PHF21A: variants seen among roughly 807,000 people sequenced by gnomAD.
PHF21A encodes the protein BHC80a.
In PHF21A, 11 loss-of-function variants were observed where a neutral mutation model predicts 82.5. The ratio of observed to expected loss-of-function variants is 0.13; its 90% CI spans 0.08 to 0.22. The LOEUF is 0.22. Among genes scored for constraint, PHF21A ranks in the 10% least tolerant of loss-of-function variants. The pLI is 1.00. For synonymous variants in PHF21A, 297 were observed against 302.8 expected (o/e 0.98, Z 0.20); for missense variants, 579 against 837.8 (o/e 0.69, Z 3.81).
chr11:45,999,857 A>G (rs190150494), intron 6 of PHF21A, among the ~76,000 whole-genome samples: 100 of 152,224 alleles, frequency 6.6e-4, no homozygotes, highest in African/African-American at 2.4e-3. Context: ...ATATAGAAAC[A>G]TCGTAACTTT....
intron 6 of PHF21A, among the ~76,000 whole-genome samples, chr11:45,987,251 A>AATGTATGTATGTATTT (rs1555052205): frequency 6.7e-6 from 1 of 148,446 alleles, no homozygotes; most frequent in East Asian, 2.0e-4. Flanking sequence ...ATCATAAATA[A>AATGTATGTATGTATTT]ATGTATGTAT....
intron 5 of PHF21A, among the ~76,000 whole-genome samples, chr11:46,078,048 C>T (rs2096748006): frequency 6.6e-6 from 1 of 151,964 alleles, no homozygotes; most frequent in South Asian, 2.1e-4. Context: ...AGTAGCTGGC[C>T]TTACAAGGCA....
In PHF21A at chr11:45,992,433, G is replaced by A. The variant is rs539866643; in HGVS notation, c.154-12467C>T. Among the ~76,000 whole-genome samples, 233 of 151,982 alleles carry A rather than the reference G, an allele frequency of 1.5e-3. 1 individual carries two copies. Among genetic ancestry groups the A allele is most frequent in the Admixed American group, 3.7e-3 (57 of 15,280 alleles). On this transcript the variant is annotated intron_variant, in intron 6 of 18. Transcript: ENST00000676320. ...CGGGCGCCTGTAGTCCCAGCTACTC[G>A]GGAGGCTGAGGCAGGAGAATGGCGT...
chr11:45,973,488 C>T (rs1476539052), intron 7 of PHF21A, among the ~76,000 whole-genome samples: 3 of 152,214 alleles, frequency 2.0e-5, no homozygotes, highest in Admixed American at 1.3e-4. Context: ...GTTTCCTCTT[C>T]GCTAAGTGGC....
intron 10 of PHF21A, among the ~76,000 whole-genome samples, chr11:45,956,940 C>G (rs1435407561): frequency 6.6e-6 from 1 of 151,946 alleles, no homozygotes; most frequent in Non-Finnish European, 1.5e-5. Context: ...GAAAAAGACA[C>G]AAAAAGGTTG....
intron 6 of PHF21A, among the ~76,000 whole-genome samples, chr11:46,006,950 C>A (rs1013315019): frequency 1.3e-5 from 2 of 152,168 alleles, no homozygotes; most frequent in Non-Finnish European, 2.9e-5. Context: ...TTAAAGATAA[C>A]AATAACAAGA....
chr11:46,043,181 C>T (rs2096187378), intron 6 of PHF21A, among the ~76,000 whole-genome samples: 1 of 152,072 alleles, frequency 6.6e-6, no homozygotes, highest in African/African-American at 2.4e-5. Context: ...GTAAAGTACA[C>T]TTTAAATAAT....
At chr11:46,059,077 T>C (rs1344753605) in intron 6 of PHF21A, among the ~76,000 whole-genome samples, 1 of 152,204 alleles carries the variant, frequency 6.6e-6, no homozygotes, top group Non-Finnish European at 1.5e-5. Context: ...TAGATTCTAC[T>C]ATACATACCA....
intron 6 of PHF21A, among the ~76,000 whole-genome samples, chr11:46,038,100 T>C (rs534674455): frequency 7.9e-5 from 12 of 152,238 alleles, no homozygotes; most frequent in Admixed American, 7.9e-4. Context: ...TTGAGTTTAC[T>C]TGTATACTCC....
chr11:46,059,060 T>G (rs1049821460), intron 6 of PHF21A, among the ~76,000 whole-genome samples: 1 of 152,124 alleles, frequency 6.6e-6, no homozygotes, highest in African/African-American at 2.4e-5. Flanking sequence ...ATTAAGCTAG[T>G]TGGAGTTAGA....
intron 3 of PHF21A, among the ~76,000 whole-genome samples, chr11:46,087,607 C>T (rs1007552036): frequency 1.8e-4 from 28 of 152,006 alleles, no homozygotes; most frequent in African/African-American, 4.8e-4. Flanking sequence ...CTGGTCTGTG[C>T]GGAAAGAAAC....
At chr11:46,052,153 G>A (rs1426246269) in intron 6 of PHF21A, among the ~76,000 whole-genome samples, 1 of 152,166 alleles carries the variant, frequency 6.6e-6, no homozygotes, top group Non-Finnish European at 1.5e-5. Context: ...TTGTGCCCAT[G>A]CTCTATGCTG....
intron 7 of PHF21A, among the ~76,000 whole-genome samples, chr11:45,973,252 A>G (rs1189919037): frequency 6.6e-6 from 1 of 152,214 alleles, no homozygotes; most frequent in Non-Finnish European, 1.5e-5. Context: ...GGTATTTCCA[A>G]CATCACAGAA....
chr11:46,020,566 G>A (rs1272645832), intron 6 of PHF21A, among the ~76,000 whole-genome samples: 2 of 152,156 alleles, frequency 1.3e-5, no homozygotes, highest in Non-Finnish European at 2.9e-5. Context: ...AACACCATCT[G>A]ATGATCTAGA....
intron 4 of PHF21A, among the ~76,000 whole-genome samples, chr11:46,081,581 A>G (rs920391753): frequency 6.6e-6 from 1 of 152,256 alleles, no homozygotes; most frequent in Non-Finnish European, 1.5e-5. Context: ...GTTAAACTGC[A>G]TTTCAGACAA....
In PHF21A at chr11:45,948,895, G is replaced by A. The variant is rs756971060; in HGVS notation, c.1279C>T (p.Arg427Trp). 6 of 1,613,688 alleles carry A rather than the reference G, an allele frequency of 3.7e-6. No homozygotes were observed. The highest frequency in any genetic ancestry group is 2.2e-5 in the South Asian group (2 of 91,070). Reference sequence around the variant, plus strand: ...ACAAAAAGGTCCTCACCTCTCTTCCGGGTCCCAGGGTGCATTGTGCTGTTT... The same window carrying A: ...ACAAAAAGGTCCTCACCTCTCTTCCAGGTCCCAGGGTGCATTGTGCTGTTT... The part of the protein sequence containing the change: ...YLNSTMHPGT[R>W]KRGRPPKYNA... The change falls in exon 14 of 19, where the codon CGG (arginine) becomes TGG (tryptophan). Residue 427 changes from arginine (R) to tryptophan (W), a missense_variant. By Grantham distance (101) the Arg-to-Trp change is moderately radical. Coordinates refer to ENST00000676320, the MANE Select transcript of PHF21A (RefSeq NM_001352027.3).
In PHF21A at chr11:45,945,932, G is replaced by A; in HGVS notation, c.1360C>T (p.Pro454Ser). 1 of 1,613,436 alleles carries A rather than the reference G, an allele frequency of 6.2e-7. No individual in the cohort carries two copies. Among genetic ancestry groups the A allele is most frequent in the Non-Finnish European group, 8.5e-7 (1 of 1,179,640 alleles). ...LTPTSPQSSH[P>S]DSPENEKTET... ...GTCTTTTCATTTTCAGGGGAGTCAG[G>A]ATGACTGGATTGGGGGGATGTTGGG... Residue 454 changes from proline (P) to serine (S), a missense_variant, in exon 15 of 19, where the codon CCT (proline) becomes TCT (serine). Transcript: ENST00000676320.
chr11:45,936,546 A>C lies in PHF21A; in HGVS notation c.1632T>G (p.Ile544Met), dbSNP rs2089099166. 6.2e-7 allele frequency: 1 copy of C among 1,613,148 alleles called. No individual in the cohort carries two copies. The highest frequency in any genetic ancestry group is 1.3e-5 in the African/African-American group (1 of 75,028). The change falls in exon 17 of 19, where the codon ATT (isoleucine) becomes ATG (methionine). Residue 544 changes from isoleucine to methionine, a missense_variant. This residue lies in a region of PHF21A where 410 missense variants were observed against 642.1 expected (regional missense o/e 0.64). Transcript: ENST00000676320. ...CAATTGCTAAAGTTCCAGGCCATGG[A>C]ATTGCTTCTTCCTTCTTCAGCATCT... is the stretch of plus-strand genomic sequence containing the variant. Reference protein sequence around the residue: ...QDQMLKKEEAIPWPGTLAIVH... With the variant: ...QDQMLKKEEAMPWPGTLAIVH...
At chr11:46,054,668 T>C (rs1361210129) in intron 6 of PHF21A, among the ~76,000 whole-genome samples, 1 of 152,180 alleles carries the variant, frequency 6.6e-6, no homozygotes, top group Non-Finnish European at 1.5e-5. Flanking sequence ...ATCATTACTA[T>C]TCAAATCACT....
Sources: allele counts gnomAD v4.1 joint callset (sites outside exome capture counted in the v4.1 genomes callset), GRCh38; gene constraint gnomAD v4.1.1; regional missense constraint gnomAD v4.1.1; transcripts MANE v1.5; gene names NCBI Gene and HGNC (gene_info 2026-07-23, HGNC 2026-07-21).